SLC24A3: variants seen among roughly 807,000 people sequenced by gnomAD.
SLC24A3 encodes the protein sodium/potassium/calcium exchanger 3.
SLC24A3 carries 28 observed loss-of-function variants against 75.8 expected under a neutral mutation model. The observed-to-expected ratio is 0.37, with a 90% CI of 0.27 to 0.51. SLC24A3 has a LOEUF of 0.51. Ranked by LOEUF, SLC24A3 falls within the 20% of genes least tolerant of loss-of-function variation. The pLI, the probability that SLC24A3 is intolerant of heterozygous loss-of-function variation, is 0.94. For synonymous variants in SLC24A3, 372 were observed against 334.1 expected, an observed-to-expected ratio of 1.11 and a Z score of -1.24; for missense variants, 663 against 847.8, an observed-to-expected ratio of 0.78 and a Z score of 2.71.
chr20:19,243,657 C>T (rs1982398025), intron 1 of SLC24A3, among the ~76,000 whole-genome samples: 1 of 152,180 alleles, frequency 6.6e-6, no homozygotes, highest in South Asian at 2.1e-4. Flanking sequence ...CAGTCTTTGA[C>T]ATTGTGGACT....
intron 6 of SLC24A3, among the ~76,000 whole-genome samples, chr20:19,619,320 G>A (rs1326559687): frequency 2.0e-5 from 3 of 152,134 alleles, no homozygotes; most frequent in Non-Finnish European, 2.9e-5. Flanking sequence ...TGAAGGCACC[G>A]TGCTGAAGAG....
chr20:19,537,470 G>A (rs543565599), intron 3 of SLC24A3, among the ~76,000 whole-genome samples: 1,755 of 151,668 alleles, frequency 0.012, 42 homozygotes, highest in African/African-American at 0.04. Flanking sequence ...TCAGTGTGGC[G>A]ATTCCTCAGG....
At chr20:19,698,081 GTC>G (rs1226761977) in intron 14 of SLC24A3, among the ~76,000 whole-genome samples, 9 of 152,152 alleles carry the variant, frequency 5.9e-5, no homozygotes, top group Non-Finnish European at 1.2e-4. Flanking sequence ...GAGCAGGCAT[GTC>G]TTACACAGCA....
At chr20:19,429,249 G>T (rs1345544653) in intron 2 of SLC24A3, among the ~76,000 whole-genome samples, 1 of 152,216 alleles carries the variant, frequency 6.6e-6, no homozygotes, top group Non-Finnish European at 1.5e-5. Context: ...ATTGAGAAAA[G>T]AATTGATGTA....
Position 19,497,486 on chromosome 20 carries a change from G to A in SLC24A3, c.272-18002G>A, listed in dbSNP as rs923820694. On this transcript the variant is annotated intron_variant, in intron 2 of 16. Coordinates refer to ENST00000328041, the MANE Select transcript of SLC24A3 (RefSeq NM_020689.4). The stretch of plus-strand genomic sequence containing the variant: ...CTCGGGTCCCATTTTGGGCTCTAAT[G>A]TACTGTGAAATGTAATGCAATTCCA... Among the ~76,000 whole-genome samples the A allele has an allele frequency of 3.9e-5, 6 of 152,326 alleles. No individual in the cohort carries two copies. In the South Asian group the frequency reaches 8.3e-4, roughly 21 times the overall value.
chr20:19,560,751 C>A (rs1052251591), intron 3 of SLC24A3, among the ~76,000 whole-genome samples: 1 of 152,180 alleles, frequency 6.6e-6, no homozygotes, highest in Non-Finnish European at 1.5e-5. Context: ...AAAGCCCCCA[C>A]TGACCAGACT....
chr20:19,311,073 T>G (rs1248324918), intron 2 of SLC24A3, among the ~76,000 whole-genome samples: 3 of 152,012 alleles, frequency 2.0e-5, no homozygotes, highest in Non-Finnish European at 4.4e-5. Flanking sequence ...CCCTTCCTTT[T>G]TTCCTTCCTT....
intron 2 of SLC24A3, among the ~76,000 whole-genome samples, chr20:19,431,859 G>A (rs1021014979): frequency 1.3e-5 from 2 of 151,926 alleles, no homozygotes; most frequent in East Asian, 3.9e-4. Context: ...GAAATGTCAG[G>A]GTTTTAAGCT....
intron 2 of SLC24A3, among the ~76,000 whole-genome samples, chr20:19,402,110 C>T (rs1986562138): frequency 6.6e-6 from 1 of 152,138 alleles, no homozygotes; most frequent in Non-Finnish European, 1.5e-5. Context: ...ACAACAAAGG[C>T]AGAAATCCCT....
chr20:19,387,282 C>G (rs1986288085), intron 2 of SLC24A3, among the ~76,000 whole-genome samples: 1 of 151,768 alleles, frequency 6.6e-6, no homozygotes, highest in African/African-American at 2.4e-5. Context: ...TTTTGAAAAA[C>G]CAGCTTTTTG....
At position 19,580,094 on chromosome 20, in the gene SLC24A3, G is replaced by C. The variant is rs748275360; in HGVS notation, c.423+20G>C. 1 of 1,607,114 alleles carries C rather than the reference G, an allele frequency of 6.2e-7. No homozygotes were observed. Among genetic ancestry groups the C allele is most frequent in the Admixed American group, 1.7e-5 (1 of 59,984 alleles). On this transcript the variant is annotated intron_variant, in intron 4 of 16. Transcript: ENST00000328041. The stretch of plus-strand genomic sequence containing the variant: ...TGTGAGGTACGTGCCTCACATTCTT[G>C]GTATGTGTGAGCCAGACTGGGGACT...
chr20:19,272,096 A>G (rs974355060), intron 1 of SLC24A3, among the ~76,000 whole-genome samples: 2 of 152,238 alleles, frequency 1.3e-5, no homozygotes, highest in East Asian at 1.9e-4. Flanking sequence ...CCCTTTCTCC[A>G]TCAGAACTTC....
intron 2 of SLC24A3, among the ~76,000 whole-genome samples, chr20:19,346,076 T>TCA (rs1985393099): frequency 1.8e-5 from 1 of 56,808 alleles, no homozygotes; most frequent in East Asian, 6.6e-4. Context: ...TATATATATA[T>TCA]ATATATATAT....
intron 7 of SLC24A3, among the ~76,000 whole-genome samples, chr20:19,661,295 C>A (rs76615206): frequency 3.3e-5 from 5 of 152,154 alleles, no homozygotes; most frequent in Non-Finnish European, 7.3e-5. Flanking sequence ...GCAACCACAA[C>A]CTTCATCAAT....
intron 2 of SLC24A3, among the ~76,000 whole-genome samples, chr20:19,456,622 C>T (rs762285285): frequency 6.6e-6 from 1 of 152,250 alleles, no homozygotes; most frequent in Non-Finnish European, 1.5e-5. Context: ...TTCTTTAAAT[C>T]TTTCCACATT....
intron 2 of SLC24A3, among the ~76,000 whole-genome samples, chr20:19,443,427 TG>T (rs1446539835): frequency 6.6e-6 from 1 of 152,210 alleles, no homozygotes; most frequent in African/African-American, 2.4e-5. Flanking sequence ...TTTTGTTATT[TG>T]GTGCTAATAT....
chr20:19,514,448 C>A (rs2029944569), intron 2 of SLC24A3, among the ~76,000 whole-genome samples: 1 of 152,164 alleles, frequency 6.6e-6, no homozygotes, highest in South Asian at 2.1e-4. Context: ...TAAGAACTTG[C>A]TAGAGAAAGA....
chr20:19,365,635 A>G (rs189397238), intron 2 of SLC24A3, among the ~76,000 whole-genome samples: 1 of 152,336 alleles, frequency 6.6e-6, no homozygotes, highest in Non-Finnish European at 1.5e-5. Flanking sequence ...ATAAAAAATG[A>G]TAAAATGTTG....
chr20:19,646,853 G>GTGTGTC (rs1555804539), intron 6 of SLC24A3, among the ~76,000 whole-genome samples: 4 of 150,916 alleles, frequency 2.7e-5, no homozygotes, highest in Admixed American at 2.0e-4. Flanking sequence ...GTGTGTGTGC[G>GTGTGTC]TGTGTGTGTG....
Sources: gnomAD v4.1 joint callset for allele counts (sites outside exome capture counted in the v4.1 genomes callset) on GRCh38, gnomAD v4.1.1 for gene constraint, MANE v1.5 for transcripts, NCBI Gene and HGNC (gene_info 2026-07-23, HGNC 2026-07-21) for gene names.